Variants in C6orf89 observed in about 807,000 individuals in gnomAD.
C6orf89 encodes bombesin receptor-activated protein C6orf89.
A neutral mutation model predicts 40.7 loss-of-function variants in C6orf89; 29 were observed. The observed-to-expected ratio is 0.71, with a 90% CI of 0.53 to 0.97. C6orf89 has a LOEUF of 0.97. C6orf89 is among the 50% of genes least tolerant of loss of function. The pLI, the probability that C6orf89 is intolerant of heterozygous loss-of-function variation, is 0.00. For missense variants in C6orf89, 392 were observed against 429.1 expected (o/e 0.91, Z 0.76); for synonymous variants, 165 against 152.2 (o/e 1.08, Z -0.62).
In C6orf89 at chr6:36,914,348, C is replaced by T; in HGVS notation, c.468C>T (p.Cys156=). 1.2e-6 allele frequency: 2 copies of T among 1,614,208 alleles called. No homozygotes were observed. Among genetic ancestry groups the T allele is most frequent in the Middle Eastern group, 1.6e-4 (1 of 6,062 alleles). ...AGTCAGAGCCCATTCCTGCCAACTGCACTGGCTGTGCCCAGAAACACCTGA... is the reference window on the plus strand; with the variant it reads ...AGTCAGAGCCCATTCCTGCCAACTGTACTGGCTGTGCCCAGAAACACCTGA... The part of the protein sequence containing the change: ...QNESEPIPAN[C]TGCAQKHLKV... Residue 156 remains cysteine, a synonymous_variant, in exon 5 of 9, where the codon TGC becomes TGT. Transcript: ENST00000480824.
At position 36,871,968 on chromosome 6, in the gene C6orf89, G is replaced by C. The variant is rs1774520305; in HGVS notation, c.-628+1G>C. On this transcript the variant is annotated splice_donor_variant, in intron 1 of 9. Coordinates refer to the C6orf89 transcript ENST00000359359. LOFTEE classifies it low-confidence loss of function (5UTR_SPLICE). ...TCCAGGACTCTTGATTTTCAAGCTT[G>C]TAAGTCATGAAATTGTGATAACCAC... 2.6e-6 allele frequency: 3 copies of C among 1,168,034 alleles called. No individual in the cohort carries two copies. The highest frequency in any genetic ancestry group is 3.4e-6 in the Non-Finnish European group (3 of 879,098). The allele number at this position is 1,168,034 out of a possible 1,614,324, so 72.4% of individuals were successfully genotyped here.
chr6:36,927,394 T>G lies in C6orf89; in HGVS notation c.*3953T>G, dbSNP rs186246620. On this transcript the variant is annotated 3_prime_UTR_variant, in exon 9 of 9. Transcript: ENST00000480824. ...AAACCCCAAAGCAAATGTTTGCATCTCCTTGTCCATAAAGGAGAAAGCCAG... is the reference window on the plus strand; with the variant it reads ...AAACCCCAAAGCAAATGTTTGCATCGCCTTGTCCATAAAGGAGAAAGCCAG... The G allele has an allele frequency of 2.7e-4, 41 of 152,350 alleles. No individual in the cohort carries two copies. The highest frequency in any genetic ancestry group is 9.6e-4 in the African/African-American group (40 of 41,574). 9.4% of individuals were successfully genotyped at this position (152,350 alleles called of 1,614,324 possible).
In C6orf89 at chr6:36,926,781, G is replaced by A. The variant is rs1762695438; in HGVS notation, c.*3340G>A. ...CCCATTTTGCAAGTAAATAAGTGGA[G>A]GCTTAGAGCAGTTAACCGCTGGCAG... On this transcript the variant is annotated 3_prime_UTR_variant, in exon 9 of 9. Coordinates refer to ENST00000480824, the MANE Select transcript of C6orf89 (RefSeq NM_001286635.2). 6.6e-6 allele frequency: 1 copy of A among 152,226 alleles called. No individual in the cohort carries two copies. Among genetic ancestry groups the A allele is most frequent in the Non-Finnish European group, 1.5e-5 (1 of 68,046 alleles). The allele number at this position is 152,226 out of a possible 1,614,324, so 9.4% of individuals were successfully genotyped here.
At chr6:36,912,472 AC>A (rs1315321650) in intron 4 of C6orf89, among the ~76,000 whole-genome samples, 2 of 152,344 alleles carry the variant, frequency 1.3e-5, no homozygotes, top group Admixed American at 6.5e-5. Context: ...TGTGTCCATT[AC>A]CCAGAGCTTT....
intron 1 of C6orf89, among the ~76,000 whole-genome samples, chr6:36,878,653 A>G (rs757493636): frequency 6.6e-6 from 1 of 151,042 alleles, no homozygotes; most frequent in Non-Finnish European, 1.5e-5. Flanking sequence ...ACTATAACCT[A>G]GCTTTATAGT....
At chr6:36,916,001 G>T (rs1051601413) in intron 6 of C6orf89, among the ~76,000 whole-genome samples, 2 of 152,026 alleles carry the variant, frequency 1.3e-5, no homozygotes, top group African/African-American at 4.8e-5. Flanking sequence ...GTTTGTTTGC[G>T]TGCTAGAGTG....
intron 1 of C6orf89, among the ~76,000 whole-genome samples, chr6:36,875,361 A>G (rs1774624369): frequency 6.6e-6 from 1 of 152,256 alleles, no homozygotes; most frequent in Non-Finnish European, 1.5e-5. Flanking sequence ...CATAGTCATA[A>G]AGCAAATCTG....
intron 1 of C6orf89, among the ~76,000 whole-genome samples, chr6:36,886,390 A>C (rs773186691): frequency 1.3e-5 from 2 of 152,212 alleles, no homozygotes; most frequent in Non-Finnish European, 2.9e-5. Flanking sequence ...TTAAGAGTAG[A>C]TTCCCCACCC....
chr6:36,897,518 G>C (rs896663654), intron 2 of C6orf89, among the ~76,000 whole-genome samples: 4 of 152,086 alleles, frequency 2.6e-5, no homozygotes, highest in Admixed American at 6.5e-5. Flanking sequence ...ATCTGAATGT[G>C]GGGGGTATAG....
intron 4 of C6orf89, among the ~76,000 whole-genome samples, chr6:36,903,695 T>C (rs1302243201): frequency 6.6e-6 from 1 of 152,174 alleles, no homozygotes; most frequent in Non-Finnish European, 1.5e-5. Context: ...TGTCATTCTT[T>C]AAGATCTAAT....
At chr6:36,891,217 C>G (rs192412917) in intron 1 of C6orf89, among the ~76,000 whole-genome samples, 170 of 152,214 alleles carry the variant, frequency 1.1e-3, no homozygotes, top group African/African-American at 3.9e-3. Context: ...TTATTCAATT[C>G]CCACCTATGA....
At chr6:36,874,996 T>G in intron 1 of C6orf89, 1 of 541,054 alleles carries the variant, frequency 1.8e-6, no homozygotes, top group Non-Finnish European at 3.3e-6. Flanking sequence ...GCAAACTTCA[T>G]TCGCGGTGGT....
chr6:36,897,992 G>A (rs1453179739), intron 2 of C6orf89, among the ~76,000 whole-genome samples: 4 of 152,200 alleles, frequency 2.6e-5, no homozygotes, highest in Non-Finnish European at 4.4e-5. Context: ...GCACAAACCC[G>A]AAGAAGCACT....
At chr6:36,905,568 C>T (rs12191780) in intron 4 of C6orf89, among the ~76,000 whole-genome samples, 13,666 of 152,112 alleles carry the variant, frequency 0.09, 769 homozygotes, top group Admixed American at 0.13. Flanking sequence ...TAGTCTGCAC[C>T]CTGACATTCA....
At chr6:36,901,482 C>T (rs1761712341) in intron 3 of C6orf89, among the ~76,000 whole-genome samples, 1 of 146,950 alleles carries the variant, frequency 6.8e-6, no homozygotes, top group Non-Finnish European at 1.5e-5. Context: ...CTACAGGCGC[C>T]CATCACCACA....
At chr6:36,874,719 G>A (rs1774601951) in intron 1 of C6orf89, 1 of 1,613,964 alleles carries the variant, frequency 6.2e-7, no homozygotes, top group African/African-American at 1.3e-5. Flanking sequence ...CCCCTCACCT[G>A]GTCTCCAAGT....
intron 1 of C6orf89, among the ~76,000 whole-genome samples, 181 bp from the exon 2 acceptor site, chr6:36,894,323 G>A (rs1370569000): frequency 6.6e-6 from 1 of 152,138 alleles, no homozygotes; most frequent in Non-Finnish European, 1.5e-5. Flanking sequence ...GAGTTTTAAT[G>A]GGTTTTGACT....
chr6:36,885,559 A>C (rs569066321), upstream of C6orf89, among the ~76,000 whole-genome samples: 138 of 152,310 alleles, frequency 9.1e-4, no homozygotes, highest in African/African-American at 3.2e-3. Flanking sequence ...GTCTTTCTCA[A>C]GAGTAGTAGC....
upstream of C6orf89, among the ~76,000 whole-genome samples, chr6:36,885,314 A>T (rs1449675698): frequency 6.6e-6 from 1 of 152,196 alleles, no homozygotes; most frequent in Admixed American, 6.5e-5. Context: ...CTGTTTCTGT[A>T]CCTTACTTCC....
Sources: allele counts gnomAD v4.1 joint callset (sites outside exome capture counted in the v4.1 genomes callset), GRCh38; gene constraint gnomAD v4.1.1; transcripts MANE v1.5; gene names NCBI Gene and HGNC (gene_info 2026-07-23, HGNC 2026-07-21).